KIRREL3: variants seen among roughly 807,000 people sequenced by gnomAD.
KIRREL3 encodes the protein kirre like nephrin family adhesion molecule 3.
KIRREL3 carries 36 observed loss-of-function variants against 89.7 expected under a neutral mutation model. That is an observed-to-expected ratio of 0.40 (90% CI 0.31 to 0.53). KIRREL3 has a LOEUF of 0.53. KIRREL3 is among the 20% of genes least tolerant of loss of function. The probability of loss-of-function intolerance (pLI) is 0.49; values close to 1 mark genes in which losing one functional copy is unlikely to be tolerated. For synonymous variants in KIRREL3, 445 were observed against 441.4 expected (o/e 1.01, Z -0.10); for missense variants, 864 against 1,056.6 (o/e 0.82, Z 2.53).
In KIRREL3 at chr11:126,521,340, G is replaced by A; in HGVS notation, c.408C>T (p.Ser136=). Reference sequence around the variant, plus strand: ...CCAGGACTGTGAGGCGTGCGGGGCGGGAGCGGATGGCGGCCTGGATGGCCT... The same window carrying A: ...CCAGGACTGTGAGGCGTGCGGGGCGAGAGCGGATGGCGGCCTGGATGGCCT... ...ECQAIQAAIR[S]RPARLTVLVP... is the part of the protein sequence containing the mutation. Residue 136 remains serine, a synonymous_variant, in exon 4 of 17, where the codon TCC becomes TCT. Coordinates refer to ENST00000525144, the MANE Select transcript of KIRREL3 (RefSeq NM_032531.4). This position sits in a 1 kb window ranked among gnomAD's most constrained non-coding sequence, Gnocchi z 4.1. 1 of 1,552,110 alleles carries A rather than the reference G, an allele frequency of 6.4e-7. No homozygotes were observed.
intron 4 of KIRREL3, among the ~76,000 whole-genome samples, chr11:126,499,290 C>A (rs1957777871): frequency 6.6e-6 from 1 of 152,140 alleles, no homozygotes; most frequent in African/African-American, 2.4e-5. Flanking sequence ...CTCTCCGCCC[C>A]ACTTTAGTGC....
rs188901717 is a variant in KIRREL3, at chr11:126,428,822, T to G, written c.1806+357A>C. On this transcript the variant is annotated intron_variant, in intron 15 of 16. Coordinates refer to ENST00000525144, the MANE Select transcript of KIRREL3 (RefSeq NM_032531.4). This position sits in a 1 kb window ranked among gnomAD's most constrained non-coding sequence, Gnocchi z 6.4. Reference sequence around the variant, plus strand: ...CCACCACGCCCAGCTAATTTTTGTATTTTTAGTAGAGATGTAGTTTCACCA... The same window carrying G: ...CCACCACGCCCAGCTAATTTTTGTAGTTTTAGTAGAGATGTAGTTTCACCA... Among the ~76,000 whole-genome samples the G allele has an allele frequency of 7.9e-4, 121 of 152,258 alleles. No homozygotes were observed. Among genetic ancestry groups the G allele is most frequent in the African/African-American group, 2.9e-3 (119 of 41,520 alleles).
At chr11:126,667,372 A>G (rs750893309) in intron 1 of KIRREL3, among the ~76,000 whole-genome samples, 1 of 152,220 alleles carries the variant, frequency 6.6e-6, no homozygotes, top group Non-Finnish European at 1.5e-5. Context: ...AGCAACAATA[A>G]TGTGGATTTA....
chr11:126,716,753 G>GA (rs61557441), intron 1 of KIRREL3, among the ~76,000 whole-genome samples: 1 of 132,584 alleles, frequency 7.5e-6, no homozygotes, highest in Non-Finnish European at 1.5e-5. Context: ...TGTGTTGGGG[G>GA]GGGGGGGAAG....
In KIRREL3 at chr11:126,562,663, A is replaced by G. The variant is rs1694050301; in HGVS notation, c.133+172T>C. 6.6e-6 allele frequency among the ~76,000 whole-genome samples: 1 copy of G among 152,180 alleles called. No individual in the cohort carries two copies. Among genetic ancestry groups the G allele is most frequent in the African/African-American group, 2.4e-5 (1 of 41,444 alleles). ...GCATCCTGTGTTTCAGGCATTCACT[A>G]TGCTTCCCCATGTGATTGTACAAAT... is the stretch of plus-strand genomic sequence containing the variant. On this transcript the variant is annotated intron_variant, in intron 2 of 16. Coordinates refer to ENST00000525144, the MANE Select transcript of KIRREL3 (RefSeq NM_032531.4). This position sits in a 1 kb window ranked among gnomAD's most constrained non-coding sequence, Gnocchi z 4.7.
chr11:126,619,498 G>T (rs973583773), intron 1 of KIRREL3, among the ~76,000 whole-genome samples: 1 of 152,222 alleles, frequency 6.6e-6, no homozygotes, highest in African/African-American at 2.4e-5. Context: ...AAGATCCTAT[G>T]TGGAGACTGG....
At chr11:126,838,043 T>A (rs976514924) in intron 1 of KIRREL3, among the ~76,000 whole-genome samples, 5 of 152,160 alleles carry the variant, frequency 3.3e-5, no homozygotes, top group Non-Finnish European at 5.9e-5. Context: ...CTCTAACAAA[T>A]AATAATAACA....
chr11:126,821,862 C>T (rs1053925096), intron 1 of KIRREL3, among the ~76,000 whole-genome samples: 7 of 151,994 alleles, frequency 4.6e-5, no homozygotes, highest in Admixed American at 4.6e-4. Context: ...ATCCAGGCAG[C>T]CTCTGGAAGG....
Position 126,521,376 on chromosome 11 carries a change from C to G in KIRREL3, c.372G>C (p.Val124=), listed in dbSNP as rs773265317. Residue 124 remains valine (V), a synonymous_variant, in exon 4 of 17, where the codon GTG becomes GTC. Transcript: ENST00000525144. The surrounding 1 kb of genome is among the most constrained non-coding windows in gnomAD (Gnocchi z 4.1). ...CGGCCTGGATGGCCTGGCACTCGTA[C>G]ACCGCATCGTCTTGCAGCTCTGCCC... ...ILRAELQDDA[V]YECQAIQAAI... 2 of 1,560,442 alleles carry G rather than the reference C, an allele frequency of 1.3e-6. No individual in the cohort carries two copies. The highest frequency in any genetic ancestry group is 1.7e-6 in the Non-Finnish European group (2 of 1,152,424).
At chr11:126,450,588 T>C (rs1026718087) in intron 7 of KIRREL3, among the ~76,000 whole-genome samples, 2 of 150,018 alleles carry the variant, frequency 1.3e-5, no homozygotes, top group Admixed American at 6.6e-5. Flanking sequence ...TGCATGTGCA[T>C]GTGTGCATGT....
rs551684540 is a variant in KIRREL3, at chr11:126,558,005, G to A, written c.133+4830C>T. On this transcript the variant is annotated intron_variant, in intron 2 of 16. Coordinates refer to ENST00000525144, the MANE Select transcript of KIRREL3 (RefSeq NM_032531.4). This position sits in a 1 kb window ranked among gnomAD's most constrained non-coding sequence, Gnocchi z 4.0. ...AAAGATGAAAGGGACAGCACCCAGA[G>A]GCATTTCTGCTCTCCCTTGGTCTCT... 7.2e-5 allele frequency among the ~76,000 whole-genome samples: 11 copies of A among 152,336 alleles called. No individual in the cohort carries two copies. The East Asian group carries it at 2.1e-3, about 29-fold the overall frequency.
intron 1 of KIRREL3, among the ~76,000 whole-genome samples, chr11:126,972,168 T>TAGAGAGAGACAG (rs1555110560): frequency 8.3e-6 from 1 of 119,842 alleles, no homozygotes; most frequent in East Asian, 2.2e-4. Flanking sequence ...GAGGGTCTGG[T>TAGAGAGAGACAG]AGAGAGAGAG....
intron 1 of KIRREL3, among the ~76,000 whole-genome samples, chr11:126,982,678 A>G (rs1949751134): frequency 6.6e-6 from 1 of 152,210 alleles, no homozygotes; most frequent in Non-Finnish European, 1.5e-5. Context: ...CCAGATCCTC[A>G]GCCAAATGCT....
At chr11:126,439,987 T>C (rs1472370150) in intron 11 of KIRREL3, among the ~76,000 whole-genome samples, 2 of 152,036 alleles carry the variant, frequency 1.3e-5, no homozygotes, top group African/African-American at 4.8e-5. Context: ...GAGGGGACGA[T>C]TGATAGGCAA....
intron 1 of KIRREL3, among the ~76,000 whole-genome samples, chr11:126,911,452 C>T (rs2134907682): frequency 6.6e-6 from 1 of 152,280 alleles, no homozygotes; most frequent in African/African-American, 2.4e-5. Flanking sequence ...GAGCAGGACT[C>T]TAGAATCGAA....
At chr11:126,751,894 G>A (rs1301041010) in intron 1 of KIRREL3, among the ~76,000 whole-genome samples, 1 of 152,076 alleles carries the variant, frequency 6.6e-6, no homozygotes, top group East Asian at 1.9e-4. Context: ...TTAGAGATGG[G>A]GTTTTGCTAT....
intron 1 of KIRREL3, among the ~76,000 whole-genome samples, chr11:126,979,338 A>C (rs1442634734): frequency 6.6e-6 from 1 of 152,232 alleles, no homozygotes; most frequent in Non-Finnish European, 1.5e-5. Flanking sequence ...GCATACATTA[A>C]AATACAAACT....
chr11:127,000,399 C>G lies in KIRREL3; in HGVS notation c.55+56G>C. On this transcript the variant is annotated intron_variant, in intron 1 of 16. Transcript: ENST00000525144. This position sits in a 1 kb window ranked among gnomAD's most constrained non-coding sequence, Gnocchi z 7.1. ...GCCCACGTTCCTGCCCACAGCCTCC[C>G]GCGCCCTGACAACCCAGCCGACTTT... 2 of 1,496,736 alleles carry G rather than the reference C, an allele frequency of 1.3e-6. No individual in the cohort carries two copies. The highest frequency in any genetic ancestry group is 1.4e-5 in the African/African-American group (1 of 71,832). The allele number at this position is 1,496,736 out of a possible 1,614,324, so 92.7% of individuals were successfully genotyped here.
At chr11:126,929,440 G>A (rs907244808) in intron 1 of KIRREL3, among the ~76,000 whole-genome samples, 13 of 152,148 alleles carry the variant, frequency 8.5e-5, no homozygotes, top group African/African-American at 3.1e-4. Flanking sequence ...GAAAGAAGGA[G>A]GTCAGTTCCA....
Sources: allele counts gnomAD v4.1 joint callset (sites outside exome capture counted in the v4.1 genomes callset), GRCh38; gene constraint gnomAD v4.1.1; non-coding constraint Gnocchi (gnomAD v3.1); transcripts MANE v1.5; gene names NCBI Gene and HGNC (gene_info 2026-07-23, HGNC 2026-07-21).